KCNT2: variants seen among roughly 807,000 people sequenced by gnomAD.
The protein encoded by KCNT2 is potassium sodium-activated channel subfamily T member 2.
Under a neutral mutation model 153.8 loss-of-function variants are expected in KCNT2, and 67 were observed. That is an observed-to-expected ratio of 0.44 (90% CI 0.36 to 0.53). The LOEUF is 0.53. Among genes scored for constraint, KCNT2 ranks in the 20% least tolerant of loss-of-function variants. The probability of loss-of-function intolerance (pLI) is 0.00; values close to 1 mark genes in which losing one functional copy is unlikely to be tolerated. For missense variants in KCNT2, 975 were observed against 1,354.8 expected (o/e 0.72, Z 4.40); for synonymous variants, 500 against 458.8 (o/e 1.09, Z -1.15).
intron 1 of KCNT2, among the ~76,000 whole-genome samples, chr1:196,600,243 G>A (rs151086790): frequency 6.6e-6 from 1 of 152,150 alleles, no homozygotes; most frequent in Non-Finnish European, 1.5e-5. Flanking sequence ...AAGCATGTAC[G>A]TGATCACTCT....
chr1:196,555,615 A>G (rs1031670859), intron 1 of KCNT2, among the ~76,000 whole-genome samples: 1 of 151,358 alleles, frequency 6.6e-6, no homozygotes, highest in African/African-American at 2.4e-5. Context: ...CCCAATTAAA[A>G]TACCAATGAC....
At chr1:196,258,622 A>G in intron 25 of KCNT2, 128 bp from the exon 26 acceptor site, 2 of 768,810 alleles carry the variant, frequency 2.6e-6, no homozygotes, top group Non-Finnish European at 2.1e-6. Context: ...GAAAGAGCAA[A>G]ATCAGTCTTT....
Position 196,335,869 on chromosome 1 carries a change from C to A in KCNT2, c.1784-1809G>T, listed in dbSNP as rs150238363. On this transcript the variant is annotated intron_variant, in intron 16 of 27. Coordinates refer to ENST00000294725, the MANE Select transcript of KCNT2 (RefSeq NM_198503.5). ...ATTTTACCATGCTGGAACTTCAATT[C>A]TACTGATGATACCAGAGTTTGTCTC... is the stretch of plus-strand genomic sequence containing the variant. 7.0e-4 allele frequency among the ~76,000 whole-genome samples: 107 copies of A among 152,256 alleles called. 3 individuals are homozygous for A. The East Asian group carries it at 0.018, about 25-fold the overall frequency.
At chr1:196,275,618 C>T (rs946769964) in intron 25 of KCNT2, among the ~76,000 whole-genome samples, 2 of 151,842 alleles carry the variant, frequency 1.3e-5, no homozygotes, top group Non-Finnish European at 2.9e-5. Flanking sequence ...AAAATGATAA[C>T]TTTTGTTTTC....
chr1:196,412,820 CACTT>C (rs996182440), intron 12 of KCNT2, among the ~76,000 whole-genome samples: 3 of 151,586 alleles, frequency 2.0e-5, no homozygotes, highest in African/African-American at 7.3e-5. Flanking sequence ...TTGGGTTCGA[CACTT>C]AATCAATAAA....
At chr1:196,417,383 A>G (rs1672840270) in intron 12 of KCNT2, among the ~76,000 whole-genome samples, 1 of 152,044 alleles carries the variant, frequency 6.6e-6, no homozygotes, top group African/African-American at 2.4e-5. Context: ...TAAAAATGCT[A>G]TCAAACCTAT....
rs1019978379 is a variant in KCNT2 at position 196,256,953 on chromosome 1, T to A, written c.3211+1241A>T. Among the ~76,000 whole-genome samples, 9 of 152,068 alleles carry A rather than the reference T, an allele frequency of 5.9e-5. No individual in the cohort carries two copies. The East Asian group carries it at 1.7e-3, about 29-fold the overall frequency. On this transcript the variant is annotated intron_variant, in intron 26 of 27. Coordinates refer to ENST00000294725, the MANE Select transcript of KCNT2 (RefSeq NM_198503.5). ...TGACGATCTTACTTTTTCTTTTAAT[T>A]TGCTTCTTAATGTAAGACATTAAAT...
chr1:196,413,461 C>A (rs12070331), intron 12 of KCNT2, among the ~76,000 whole-genome samples: 5,059 of 151,470 alleles, frequency 0.033, 121 homozygotes, highest in South Asian at 0.07. Context: ...AATATGTATA[C>A]CAATAGTAGA....
At chr1:196,383,099 AAG>A (rs1403349303) in intron 13 of KCNT2, among the ~76,000 whole-genome samples, 2 of 152,174 alleles carry the variant, frequency 1.3e-5, no homozygotes, top group South Asian at 4.1e-4. Flanking sequence ...GAGAGGGAAA[AAG>A]AGAAGAAATG....
At chr1:196,453,735 C>A (rs1676416297) in intron 8 of KCNT2, among the ~76,000 whole-genome samples, 1 of 152,074 alleles carries the variant, frequency 6.6e-6, no homozygotes. Flanking sequence ...ACCAAACTAT[C>A]TGAAATTTAC....
At chr1:196,513,955 G>C (rs948437396) in intron 1 of KCNT2, among the ~76,000 whole-genome samples, 1 of 152,162 alleles carries the variant, frequency 6.6e-6, no homozygotes, top group African/African-American at 2.4e-5. Context: ...TCTACGCTTA[G>C]TGCTTTGCAA....
At chr1:196,341,037 T>C (rs911315836) in intron 15 of KCNT2, among the ~76,000 whole-genome samples, 4 of 151,608 alleles carry the variant, frequency 2.6e-5, no homozygotes, top group African/African-American at 4.8e-5. Context: ...ATATATATAT[T>C]TAAATAGTCT....
rs567038941 is a variant in KCNT2, at chr1:196,559,925, A to T, written c.95+48290T>A. Among the ~76,000 whole-genome samples, 58 of 151,938 alleles carry T rather than the reference A, an allele frequency of 3.8e-4. No homozygotes were observed. In the South Asian group the frequency reaches 7.7e-3, roughly 20 times the overall value. On this transcript the variant is annotated intron_variant, in intron 1 of 27. Transcript: ENST00000294725. ...CAGGACACGTTAAATAAGACATTTC[A>T]TTCTTTTTCTTAGAAAGACTGCTTC...
At chr1:196,505,869 G>T (rs945677407) in intron 1 of KCNT2, among the ~76,000 whole-genome samples, 1 of 152,174 alleles carries the variant, frequency 6.6e-6, no homozygotes, top group Non-Finnish European at 1.5e-5. Flanking sequence ...GTTCACTCAT[G>T]ATTGGTTCTC....
intron 1 of KCNT2, among the ~76,000 whole-genome samples, chr1:196,555,829 G>A (rs903724205): frequency 1.3e-5 from 2 of 150,970 alleles, no homozygotes; most frequent in African/African-American, 4.9e-5. Flanking sequence ...AAACAATAAA[G>A]AACCCAAAAA....
intron 8 of KCNT2, among the ~76,000 whole-genome samples, chr1:196,437,683 T>C (rs975580072): frequency 1.3e-5 from 2 of 150,822 alleles, no homozygotes; most frequent in East Asian, 1.9e-4. Context: ...ATTGCAAAAA[T>C]ACCTATAAAT....
At chr1:196,334,176 T>A in intron 16 of KCNT2, 116 bp from the exon 17 acceptor site, 12 of 578,394 alleles carry the variant, frequency 2.1e-5, no homozygotes, top group Middle Eastern at 4.6e-4. Flanking sequence ...ATAGAGAGAG[T>A]ATATATTTAT....
At chr1:196,478,730 T>A (rs1557987579) in intron 5 of KCNT2, among the ~76,000 whole-genome samples, 1 of 152,100 alleles carries the variant, frequency 6.6e-6, no homozygotes, top group Non-Finnish European at 1.5e-5. Context: ...GAAAAAAGAA[T>A]CATGTGAACT....
intron 1 of KCNT2, among the ~76,000 whole-genome samples, chr1:196,589,968 T>C (rs908209859): frequency 1.3e-5 from 2 of 152,168 alleles, no homozygotes; most frequent in Admixed American, 6.5e-5. Context: ...TTTGTAGCCA[T>C]TGTTGTTTTA....
Sources: gnomAD v4.1 joint callset for allele counts (sites outside exome capture counted in the v4.1 genomes callset) on GRCh38, gnomAD v4.1.1 for gene constraint, MANE v1.5 for transcripts, NCBI Gene and HGNC (gene_info 2026-07-23, HGNC 2026-07-21) for gene names.